RASGRP2: variants seen among roughly 807,000 people sequenced by gnomAD.
RASGRP2 encodes the protein RAS guanyl releasing protein 2.
In RASGRP2, 44 loss-of-function variants were observed where a neutral mutation model predicts 71.0. The ratio of observed to expected loss-of-function variants is 0.62; its 90% CI spans 0.49 to 0.80. The LOEUF (loss-of-function observed/expected upper bound fraction) is 0.80. Among genes scored for constraint, RASGRP2 ranks in the 30% least tolerant of loss-of-function variants. The pLI is 0.00. For synonymous variants in RASGRP2, 350 were observed against 330.7 expected (o/e 1.06, Z -0.63); for missense variants, 663 against 813.4 (o/e 0.82, Z 2.25).
At chr11:64,727,469 C>A in intron 15 of RASGRP2, 109 bp from the exon 16 acceptor site, 1 of 959,334 alleles carries the variant, frequency 1.0e-6, no homozygotes, top group East Asian at 2.6e-5. Flanking sequence ...CAGACCCACC[C>A]ACCAAAAATC....
chr11:64,729,713 CAAA>C lies in RASGRP2; in HGVS notation c.1591+46_1591+48del, dbSNP rs34152691. ...ACAGTAACTCTCCCAAACAAACAAA[CAAA>C]AAAAAAAAACACTGCCCAGCAGCCC... On this transcript the variant is annotated intron_variant, in intron 14 of 16. Transcript: ENST00000394432. 7 of 1,579,098 alleles carry C rather than the reference CAAA, an allele frequency of 4.4e-6. No homozygotes were observed. In the African/African-American group the frequency reaches 7.2e-5, roughly 16 times the overall value.
At chr11:64,732,716 GC>G (rs1324850724) in intron 12 of RASGRP2, among the ~76,000 whole-genome samples, 61 of 152,176 alleles carry the variant, frequency 4.0e-4, no homozygotes, top group African/African-American at 1.2e-3. Flanking sequence ...GGGAAGCAGA[GC>G]TTGCAGTGAG....
rs983454219 is a variant in RASGRP2, at chr11:64,728,722, C to T, written c.1771+141G>A. ...TGCTGGGATTACAGGCGTGAGCCACCGCGCCCGGCCTGTCCCTTCTTTATT... is the reference window on the plus strand; with the variant it reads ...TGCTGGGATTACAGGCGTGAGCCACTGCGCCCGGCCTGTCCCTTCTTTATT... On this transcript the variant is annotated intron_variant, in intron 15 of 16. Coordinates refer to ENST00000394432, the MANE Select transcript of RASGRP2 (RefSeq NM_001098671.2). The T allele has an allele frequency of 7.0e-5, 69 of 982,322 alleles. No individual in the cohort carries two copies. In the African/African-American group the frequency reaches 8.6e-4, roughly 12 times the overall value. 60.9% of individuals were successfully genotyped at this position (982,322 alleles called of 1,614,324 possible).
rs1415791171 is a variant in RASGRP2, at chr11:64,729,781, C to T, written c.1572G>A (p.Lys524=). The T allele has an allele frequency of 6.2e-7, 1 of 1,614,076 alleles. No individual in the cohort carries two copies. The highest frequency in any genetic ancestry group is 1.7e-5 in the Admixed American group (1 of 60,026). Residue 524 remains lysine (K), a synonymous_variant, in exon 14 of 17, where the codon AAG becomes AAA. Transcript: ENST00000394432. ...HCKALILGIY[K]QGLKCRACGV... is the part of the protein sequence containing the mutation. ...TCTCACCTCGGCATTTGAGGCCCTGCTTGTAGATGCCCAGGATCTGCAATA... is the reference window on the plus strand; with the variant it reads ...TCTCACCTCGGCATTTGAGGCCCTGTTTGTAGATGCCCAGGATCTGCAATA...
At chr11:64,741,762 G>A (rs922877063) in intron 3 of RASGRP2, among the ~76,000 whole-genome samples, 2 of 152,306 alleles carry the variant, frequency 1.3e-5, no homozygotes, top group Admixed American at 6.5e-5. Flanking sequence ...AGCAGGGGCA[G>A]GCCCCAGACT....
chr11:64,738,082 A>G (rs982804779), intron 8 of RASGRP2, among the ~76,000 whole-genome samples: 2 of 152,244 alleles, frequency 1.3e-5, no homozygotes, highest in African/African-American at 4.8e-5. Flanking sequence ...GTAGACGTAC[A>G]ATAAAATATT....
rs754068377 is a variant in RASGRP2 at position 64,736,840 on chromosome 11, C to A, written c.1008G>T (p.Gln336His). The change falls in exon 9 of 17, where the codon CAG becomes CAT. Residue 336 changes from glutamine (Q) to histidine (H), a missense_variant. Coordinates refer to ENST00000394432, the MANE Select transcript of RASGRP2 (RefSeq NM_001098671.2). Reference sequence around the variant, plus strand: ...CCAGCTCCTCCAGGATGCTAAAGAGCTGCTTCATCTTGGCCCCGTTGAGCC... The same window carrying A: ...CCAGCTCCTCCAGGATGCTAAAGAGATGCTTCATCTTGGCCCCGTTGAGCC... ...RTRLNGAKMK[Q>H]LFSILEELAM... The A allele has an allele frequency of 3.7e-6, 6 of 1,613,300 alleles. 1 individual carries two copies. In the South Asian group the frequency reaches 6.6e-5, roughly 18 times the overall value.
Position 64,740,655 on chromosome 11 carries a change from G to A in RASGRP2, c.371+293C>T, listed in dbSNP as rs533503695. Reference sequence around the variant, plus strand: ...GTAACACGGAGGAGGCAGCAAGGGGGATGATATGAGCAGAGCACCATGATG... The same window carrying A: ...GTAACACGGAGGAGGCAGCAAGGGGAATGATATGAGCAGAGCACCATGATG... On this transcript the variant is annotated intron_variant, in intron 5 of 16. Coordinates refer to ENST00000394432, the MANE Select transcript of RASGRP2 (RefSeq NM_001098671.2). 7.7e-6 allele frequency: 5 copies of A among 647,424 alleles called. No homozygotes were observed. In the East Asian group the frequency reaches 8.2e-5, roughly 11 times the overall value. The allele number at this position is 647,424 out of a possible 1,614,324, so 40.1% of individuals were successfully genotyped here.
Position 64,735,719 on chromosome 11 carries a change from C to T in RASGRP2, c.1174-55G>A. 2 of 1,573,854 alleles carry T rather than the reference C, an allele frequency of 1.3e-6. No individual in the cohort carries two copies. The highest frequency in any genetic ancestry group is 1.7e-6 in the Non-Finnish European group (2 of 1,160,680). On this transcript the variant is annotated intron_variant, in intron 10 of 16. Coordinates refer to ENST00000394432, the MANE Select transcript of RASGRP2 (RefSeq NM_001098671.2). The surrounding 1 kb of genome is among the most constrained non-coding windows in gnomAD (Gnocchi z 4.2). ...CCAGAGGCAGGGGAAGCCCAGAGCC[C>T]CGGGGAACAGAGAGGGGAATCCCTG... is the stretch of plus-strand genomic sequence containing the variant.
At position 64,742,209 on chromosome 11, in the gene RASGRP2, T is replaced by C. The variant is rs574581575; in HGVS notation, c.74-97A>G. On this transcript the variant is annotated intron_variant, in intron 2 of 16. Transcript: ENST00000394432. This position sits in a 1 kb window ranked among gnomAD's most constrained non-coding sequence, Gnocchi z 4.7. ...ACCCGCCAGGTATCGGTCCTTCGGG[T>C]GCACGCTCGACCCCGCCCACCTCCT... is the stretch of plus-strand genomic sequence containing the variant. 23 of 946,498 alleles carry C rather than the reference T, an allele frequency of 2.4e-5. 1 individual carries two copies. In the South Asian group the frequency reaches 3.1e-4, roughly 13 times the overall value. 58.6% of individuals were successfully genotyped at this position (946,498 alleles called of 1,614,324 possible).
intron 12 of RASGRP2, 125 bp downstream of exon 12, chr11:64,734,987 A>G (rs1433012793): frequency 1.3e-6 from 1 of 792,428 alleles, no homozygotes; most frequent in African/African-American, 1.7e-5. Context: ...CCTTTCCCAC[A>G]CTGGCAGCTT....
rs765703328 is a variant in RASGRP2 at position 64,739,619 on chromosome 11, G to C, written c.696+17C>G. 2 of 1,612,974 alleles carry C rather than the reference G, an allele frequency of 1.2e-6. No homozygotes were observed. The highest frequency in any genetic ancestry group is 2.2e-5 in the South Asian group (2 of 91,070). On this transcript the variant is annotated intron_variant, in intron 7 of 16. Coordinates refer to ENST00000394432, the MANE Select transcript of RASGRP2 (RefSeq NM_001098671.2). The surrounding 1 kb of genome is among the most constrained non-coding windows in gnomAD (Gnocchi z 4.2). ...ATGTGGGGTGGTTGGGAGACACCGG[G>C]AGGGAGGGGCAGGCACCTCCGCCAC...
Position 64,742,639 on chromosome 11 carries a change from G to A in RASGRP2, c.73+155C>T, listed in dbSNP as rs572687437. On this transcript the variant is annotated intron_variant, in intron 2 of 16. Coordinates refer to ENST00000394432, the MANE Select transcript of RASGRP2 (RefSeq NM_001098671.2). The surrounding 1 kb of genome is among the most constrained non-coding windows in gnomAD (Gnocchi z 4.7). ...TGAAGGGCGTGCATCTCTCTGCCCT[G>A]CGTTGCGGAGGAGGCTTTCGTTAAA... is the stretch of plus-strand genomic sequence containing the variant. The A allele has an allele frequency of 2.1e-6, 2 of 961,386 alleles. No homozygotes were observed. The highest frequency in any genetic ancestry group is 2.6e-5 in the East Asian group (1 of 37,926). The allele number at this position is 961,386 out of a possible 1,614,324, so 59.6% of individuals were successfully genotyped here.
Position 64,741,464 on chromosome 11 carries a change from G to T in RASGRP2, c.214C>A (p.Gln72Lys), listed in dbSNP as rs1207452585. ...QSRKDNSNSL[Q>K]VKTCHLVRYW... Reference sequence around the variant, plus strand: ...CTGACCAGGTGGCACGTTTTCACCTGCAGGGAATTGGAGTTGTCCTTCCGG... The same window carrying T: ...CTGACCAGGTGGCACGTTTTCACCTTCAGGGAATTGGAGTTGTCCTTCCGG... The change falls in exon 4 of 17, where the codon CAG becomes AAG. Residue 72 changes from glutamine to lysine, a missense_variant. Physicochemically the swap from Gln to Lys is moderately conservative, Grantham distance 53. Transcript: ENST00000394432. The T allele has an allele frequency of 1.3e-6, 2 of 1,578,118 alleles. No individual in the cohort carries two copies. Among genetic ancestry groups the T allele is most frequent in the South Asian group, 1.2e-5 (1 of 86,258 alleles).
upstream of RASGRP2, chr11:64,745,266 G>A (rs1397371107): frequency 7.9e-5 from 12 of 152,414 alleles, no homozygotes; most frequent in Non-Finnish European, 1.8e-4. Context: ...TCCTGTTTTC[G>A]AGACAAACCG....
intron 4 of RASGRP2, 100 bp from the exon 5 acceptor site, chr11:64,741,179 C>T (rs901308975): frequency 2.8e-5 from 40 of 1,446,158 alleles, no homozygotes; most frequent in South Asian, 3.6e-5. Flanking sequence ...GCAAAAAGAC[C>T]CTCAAACTAT....
chr11:64,727,506 ATTTTTT>A (rs34854951), intron 15 of RASGRP2, 146 bp from the exon 16 acceptor site: 1,112 of 321,348 alleles, frequency 3.5e-3, no homozygotes, highest in Middle Eastern at 7.1e-3. Flanking sequence ...TCACAGCCCA[ATTTTTT>A]TTTTTTTTTT....
Position 64,727,195 on chromosome 11 carries a change from G to A in RASGRP2, c.*7-64C>T. 3.9e-6 allele frequency: 4 copies of A among 1,023,088 alleles called. No homozygotes were observed. In the South Asian group the frequency reaches 5.2e-5, roughly 13 times the overall value. 63.4% of individuals were successfully genotyped at this position (1,023,088 alleles called of 1,614,324 possible). A position where few individuals can be genotyped will look rare whatever the true frequency, so the allele number is the denominator to read the frequency against. The stretch of plus-strand genomic sequence containing the variant: ...CTAACAACAAGGTAGTAGCCCACCT[G>A]GCTTGGAGCCATTTGGATAAAGCAC... On this transcript the variant is annotated intron_variant, in intron 16 of 16. Coordinates refer to ENST00000394432, the MANE Select transcript of RASGRP2 (RefSeq NM_001098671.2).
chr11:64,734,997 T>C (rs978867985), intron 12 of RASGRP2, 115 bp downstream of exon 12: 6 of 870,480 alleles, frequency 6.9e-6, no homozygotes, highest in Non-Finnish European at 1.2e-5. Context: ...ACTGGCAGCT[T>C]CCCAGGCCAA....
Sources: allele counts gnomAD v4.1 joint callset (sites outside exome capture counted in the v4.1 genomes callset), GRCh38; gene constraint gnomAD v4.1.1; non-coding constraint Gnocchi (gnomAD v3.1); transcripts MANE v1.5; gene names NCBI Gene and HGNC (gene_info 2026-07-23, HGNC 2026-07-21).